PTK2: variants seen among roughly 807,000 people sequenced by gnomAD.
The protein encoded by PTK2 is protein tyrosine kinase 2, also known as focal adhesion kinase 1.
In PTK2, 45 loss-of-function variants were observed where a neutral mutation model predicts 150.1. The observed-to-expected ratio is 0.30, with a 90% confidence interval of 0.24 to 0.38. The LOEUF (loss-of-function observed/expected upper bound fraction) is 0.38, where lower values mean the gene tolerates loss of function less well. Among genes scored for constraint, PTK2 ranks in the 10% least tolerant of loss-of-function variants. The pLI is 1.00. For synonymous variants in PTK2, 432 were observed against 449.2 expected (o/e 0.96, Z 0.48); for missense variants, 919 against 1,307.3 (o/e 0.70, Z 4.58).
chr8:140,770,471 G>A (rs2100074858), intron 14 of PTK2, among the ~76,000 whole-genome samples: 1 of 152,228 alleles, frequency 6.6e-6, no homozygotes, highest in South Asian at 2.1e-4. Flanking sequence ...GCCCTGTCAT[G>A]CATTTAAAAA....
intron 5 of PTK2, among the ~76,000 whole-genome samples, chr8:140,848,542 A>T (rs2100127094): frequency 6.6e-6 from 1 of 152,212 alleles, no homozygotes; most frequent in Non-Finnish European, 1.5e-5. Flanking sequence ...CTTTACAAGG[A>T]ACAAGAGTTT....
intron 2 of PTK2, among the ~76,000 whole-genome samples, chr8:140,895,465 C>A (rs192239919): frequency 6.6e-6 from 1 of 151,078 alleles, no homozygotes; most frequent in Non-Finnish European, 1.5e-5. Context: ...AAGGCTGCAG[C>A]AAGTTATGAC....
intron 8 of PTK2, among the ~76,000 whole-genome samples, chr8:140,825,030 A>T (rs1462343952): frequency 6.6e-6 from 1 of 152,244 alleles, no homozygotes; most frequent in African/African-American, 2.4e-5. Flanking sequence ...TGCTGCTAGC[A>T]ACAATAGATT....
chr8:140,869,436 T>C (rs989024102), intron 4 of PTK2, among the ~76,000 whole-genome samples: 6 of 152,188 alleles, frequency 3.9e-5, no homozygotes, highest in African/African-American at 1.4e-4. Context: ...AAACCTTGTA[T>C]AGAATCAGTA....
intron 1 of PTK2, among the ~76,000 whole-genome samples, chr8:140,985,020 A>G (rs1212741369): frequency 6.6e-6 from 1 of 151,724 alleles, no homozygotes; most frequent in Non-Finnish European, 1.5e-5. Context: ...GTGAGCTAGA[A>G]TGAGAGATCC....
At chr8:140,661,090 GA>G (rs2079100574) in intron 31 of PTK2, among the ~76,000 whole-genome samples, 1 of 152,206 alleles carries the variant, frequency 6.6e-6, no homozygotes, top group Non-Finnish European at 1.5e-5. Flanking sequence ...TTCACAGAGA[GA>G]ATTTGTCTGA....
intron 14 of PTK2, among the ~76,000 whole-genome samples, chr8:140,772,220 G>C (rs2100075905): frequency 6.6e-6 from 1 of 152,188 alleles, no homozygotes; most frequent in Non-Finnish European, 1.5e-5. Flanking sequence ...CAGTTAAGAA[G>C]ATGGGCCTGC....
intron 14 of PTK2, chr8:140,771,472 A>G (rs1397111251): frequency 4.6e-5 from 7 of 152,262 alleles, no homozygotes; most frequent in Non-Finnish European, 1.0e-4. Flanking sequence ...CAACTGCAGT[A>G]TGGTAATGGC....
intron 26 of PTK2, among the ~76,000 whole-genome samples, chr8:140,698,061 C>T (rs77273666): frequency 0.015 from 2,219 of 152,026 alleles, 58 homozygotes; most frequent in African/African-American, 0.049. Context: ...CTGAGCCTGT[C>T]TGCCCTAAAA....
chr8:140,889,641 A>AGAAAG (rs1290383691), intron 3 of PTK2, among the ~76,000 whole-genome samples: 1 of 151,624 alleles, frequency 6.6e-6, no homozygotes, highest in African/African-American at 2.4e-5. Context: ...AAAAAAAAAA[A>AGAAAG]GAAAGAAAAG....
intron 1 of PTK2, among the ~76,000 whole-genome samples, chr8:140,942,270 A>G (rs960245592): frequency 1.1e-4 from 17 of 152,220 alleles, no homozygotes; most frequent in African/African-American, 4.1e-4. Context: ...ATGGAGCTGA[A>G]GACTGCATAG....
chr8:140,734,751 C>A (rs372554154), intron 22 of PTK2: 1 of 518,176 alleles, frequency 1.9e-6, no homozygotes, highest in South Asian at 1.4e-5. Context: ...GATTAGGAAG[C>A]CTTCCTGAAG....
At position 140,992,584 on chromosome 8, in the gene PTK2, T is replaced by C. The variant is rs1589072571; in HGVS notation, c.-122+8541A>G. Among the ~76,000 whole-genome samples the C allele has an allele frequency of 6.6e-5, 10 of 152,328 alleles. 2 individuals are homozygous for C. The highest frequency in any genetic ancestry group is 6.5e-4 in the Admixed American group (10 of 15,288). The stretch of plus-strand genomic sequence containing the variant: ...CTAGCAAGTTTCTAGATGATAGTGA[T>C]GCTACAATTCCGTCACTACTCTGAA... On this transcript the variant is annotated intron_variant, in intron 1 of 31. Transcript: ENST00000522684.
At chr8:140,861,442 G>C (rs1447563950) in intron 5 of PTK2, among the ~76,000 whole-genome samples, 1 of 152,170 alleles carries the variant, frequency 6.6e-6, no homozygotes, top group African/African-American at 2.4e-5. Context: ...AGAAACTGTA[G>C]AAATGAATGA....
intron 26 of PTK2, among the ~76,000 whole-genome samples, chr8:140,692,250 G>A (rs372308704): frequency 2.0e-5 from 3 of 152,060 alleles, no homozygotes; most frequent in Admixed American, 2.0e-4. Flanking sequence ...GAGCATACAC[G>A]GACCTCCTGA....
intron 4 of PTK2, among the ~76,000 whole-genome samples, chr8:140,868,697 A>T (rs1046690923): frequency 2.0e-5 from 3 of 152,228 alleles, no homozygotes; most frequent in Non-Finnish European, 4.4e-5. Context: ...AACCTTAATC[A>T]TAAAAACAAT....
At chr8:140,681,635 G>C (rs556700072) in intron 27 of PTK2, among the ~76,000 whole-genome samples, 4 of 152,042 alleles carry the variant, frequency 2.6e-5, no homozygotes, top group Admixed American at 6.6e-5. Flanking sequence ...AAATTAGCCG[G>C]GCGTGGTGGC....
chr8:140,996,084 CA>C (rs766294318), intron 1 of PTK2, among the ~76,000 whole-genome samples: 3 of 151,610 alleles, frequency 2.0e-5, no homozygotes, highest in Non-Finnish European at 4.4e-5. Flanking sequence ...TAAAACAAAA[CA>C]AAACAAAACA....
At chr8:140,687,776 G>A (rs1244108047) in intron 26 of PTK2, among the ~76,000 whole-genome samples, 1 of 152,204 alleles carries the variant, frequency 6.6e-6, no homozygotes, top group Non-Finnish European at 1.5e-5. Context: ...GGGTGTAGTA[G>A]GAAGTTGGTG....
Sources: allele counts gnomAD v4.1 joint callset (sites outside exome capture counted in the v4.1 genomes callset), GRCh38; gene constraint gnomAD v4.1.1; transcripts MANE v1.5; gene names NCBI Gene and HGNC (gene_info 2026-07-23, HGNC 2026-07-21).